Variants in BAP1 observed in about 807,000 individuals in gnomAD.
BAP1 encodes the protein BRCA1 associated deubiquitinase 1.
A neutral mutation model predicts 77.2 loss-of-function variants in BAP1; 16 were observed. The ratio of observed to expected loss-of-function variants is 0.21; its 90% confidence interval spans 0.14 to 0.31. The LOEUF (loss-of-function observed/expected upper bound fraction) is 0.31. Among genes scored for constraint, BAP1 ranks in the 10% least tolerant of loss-of-function variants. The pLI, the probability that BAP1 is intolerant of heterozygous loss-of-function variation, is 1.00. For synonymous variants in BAP1, 362 were observed against 385.2 expected (o/e 0.94, Z 0.71); for missense variants, 699 against 967.3 (o/e 0.72, Z 3.68).
At chr3:52,405,510 A>AC in intron 10 of BAP1, 1 of 619,404 alleles carries the variant, frequency 1.6e-6, no homozygotes, top group Admixed American at 3.5e-5. Flanking sequence ...AAAAAAAAAA[A>AC]AAAAAAAAAA....
Position 52,402,439 on chromosome 3 carries a change from C to T in BAP1, c.2057-18G>A, listed in dbSNP as rs776521900. The stretch of plus-strand genomic sequence containing the variant: ...CAGCATGCCTGCGAAGAGGTAGAGA[C>T]CCTTGAGCAGGTGCTGGCTGCCTCA... On this transcript the variant is annotated intron_variant, in intron 16 of 16. Coordinates refer to ENST00000460680, the MANE Select transcript of BAP1 (RefSeq NM_004656.4). This position sits in a 1 kb window ranked among gnomAD's most constrained non-coding sequence, Gnocchi z 5.3. 1.9e-6 allele frequency: 3 copies of T among 1,570,452 alleles called. No individual in the cohort carries two copies. Among genetic ancestry groups the T allele is most frequent in the East Asian group, 2.4e-5 (1 of 42,252 alleles).
At chr3:52,408,227 A>G in intron 4 of BAP1, 150 bp from the exon 5 acceptor site, 1 of 1,402,636 alleles carries the variant, frequency 7.1e-7, no homozygotes, top group South Asian at 1.3e-5. Context: ...ATGTTTATTC[A>G]TTTAACAAGC....
At position 52,403,700 on chromosome 3, in the gene BAP1, G is replaced by A. The variant is rs753329341; in HGVS notation, c.1445C>T (p.Ser482Leu). 4.3e-6 allele frequency: 7 copies of A among 1,614,024 alleles called. No homozygotes were observed. The highest frequency in any genetic ancestry group is 5.9e-6 in the Non-Finnish European group (7 of 1,179,986). The change falls in exon 13 of 17, where the codon TCG (serine) becomes TTG (leucine). Residue 482 changes from serine to leucine, a missense_variant. Physicochemically the swap from Ser to Leu is moderately radical, Grantham distance 145. This residue lies in a region of BAP1 where 475 missense variants were observed against 532.4 expected (regional missense o/e 0.89). Coordinates refer to ENST00000460680, the MANE Select transcript of BAP1 (RefSeq NM_004656.4). This position sits in a 1 kb window ranked among gnomAD's most constrained non-coding sequence, Gnocchi z 4.0. ...GSPAVAVPTHSQPSPTPSNES... is the reference protein window; with the variant it reads ...GSPAVAVPTHLQPSPTPSNES... Reference sequence around the variant, plus strand: ...ATTGCTGGGGGTGGGTGAGGGCTGCGAGTGTGTGGGCACTGCCACAGCCGG... The same window carrying A: ...ATTGCTGGGGGTGGGTGAGGGCTGCAAGTGTGTGGGCACTGCCACAGCCGG...
chr3:52,406,239 G>A lies in BAP1; in HGVS notation c.783+14C>T. ...GGTTGGGCTGGGCAGAGGCCAGGAA[G>A]AAAGGGCACCTACCTGCTGCAGAGC... On this transcript the variant is annotated intron_variant, in intron 9 of 16. Transcript: ENST00000460680. This position sits in a 1 kb window ranked among gnomAD's most constrained non-coding sequence, Gnocchi z 4.6. 1.9e-6 allele frequency: 3 copies of A among 1,614,112 alleles called. No individual in the cohort carries two copies. Among genetic ancestry groups the A allele is most frequent in the Non-Finnish European group, 2.5e-6 (3 of 1,180,010 alleles).
intron 11 of BAP1, 57 bp downstream of exon 11, chr3:52,405,053 G>A (rs1178197895): frequency 9.3e-6 from 15 of 1,606,184 alleles, no homozygotes; most frequent in East Asian, 2.2e-5. Flanking sequence ...AAAATTGCCT[G>A]TTGCAGCCTC....
chr3:52,408,499 A>G lies in BAP1; in HGVS notation c.230T>C (p.Val77Ala). The G allele has an allele frequency of 6.2e-7, 1 of 1,612,256 alleles. No homozygotes were observed. The highest frequency in any genetic ancestry group is 8.5e-7 in the Non-Finnish European group (1 of 1,179,304). ...DDTSVIDDDI[V>A]NNMFFAHQLI... is the part of the protein sequence containing the mutation. ...CTGGTGGGCAAAGAACATGTTATTC[A>G]CAATATCATCATCAATCACGGACGT... Residue 77 changes from valine (V) to alanine (A), a missense_variant, in exon 4 of 17, where the codon GTG becomes GCG. Transcript: ENST00000460680.
rs573724882 is a variant in BAP1 at position 52,405,757 on chromosome 3, C to T, written c.931+8G>A. On this transcript the variant is annotated splice_region_variant and intron_variant, in intron 10 of 16. Coordinates refer to ENST00000460680, the MANE Select transcript of BAP1 (RefSeq NM_004656.4). ...GAGGTCCACAAGAGGTCCCAAACCC[C>T]CCAGTACCTGTGTGGTTGCCCTCAG... is the stretch of plus-strand genomic sequence containing the variant. The T allele has an allele frequency of 1.2e-5, 19 of 1,612,792 alleles. No homozygotes were observed. In the African/African-American group the frequency reaches 1.6e-4, roughly 14 times the overall value.
chr3:52,402,501 C>A lies in BAP1; in HGVS notation c.2057-80G>T, dbSNP rs1431866889. 2 of 1,604,566 alleles carry A rather than the reference C, an allele frequency of 1.2e-6. No homozygotes were observed. The highest frequency in any genetic ancestry group is 1.3e-5 in the African/African-American group (1 of 74,636). On this transcript the variant is annotated intron_variant, in intron 16 of 16. Transcript: ENST00000460680. The surrounding 1 kb of genome is among the most constrained non-coding windows in gnomAD (Gnocchi z 5.3). ...GAGGCTCTCATGGCCCTCCCTGTGC[C>A]CCAAGGTCTGCTCAAGCCTCAGGAG... is the stretch of plus-strand genomic sequence containing the variant.
At position 52,407,274 on chromosome 3, in the gene BAP1, A is replaced by T; in HGVS notation, c.480T>A (p.Ser160Arg). The T allele has an allele frequency of 6.2e-7, 1 of 1,614,184 alleles. No homozygotes were observed. The highest frequency in any genetic ancestry group is 8.5e-7 in the Non-Finnish European group (1 of 1,180,030). The change falls in exon 7 of 17, where the codon AGT becomes AGA. Residue 160 changes from serine (S) to arginine (R), a missense_variant. By Grantham distance (110) the Ser-to-Arg change is moderately radical. Coordinates refer to ENST00000460680, the MANE Select transcript of BAP1 (RefSeq NM_004656.4). ...RHLPEKQNGLSAVRTMEAFHF... is the reference protein window; with the variant it reads ...RHLPEKQNGLRAVRTMEAFHF... ...GGAACGCCTCCATGGTCCGCACTGC[A>T]CTAAGGCCATTCTGCTTCTCAGGGA...
At position 52,403,424 on chromosome 3, in the gene BAP1, G is replaced by T. The variant is rs761596789; in HGVS notation, c.1721C>A (p.Ala574Glu). Residue 574 changes from alanine to glutamate, a missense_variant, in exon 13 of 17, where the codon GCG (alanine) becomes GAG (glutamate). By Grantham distance (107) the Ala-to-Glu change is moderately radical (BLOSUM62 -1). Around this residue, in one of 3 missense-constraint regions of BAP1, gnomAD observed 475 missense variants for 532.4 expected, o/e 0.89. Coordinates refer to ENST00000460680, the MANE Select transcript of BAP1 (RefSeq NM_004656.4). This position sits in a 1 kb window ranked among gnomAD's most constrained non-coding sequence, Gnocchi z 4.0. ...LAEDGVLSPL[A>E]LTEGGKGSSP... is the part of the protein sequence containing the mutation. ...GCCAGTCCAAGGCCCACCTGTCAGC[G>T]CCAGGGGACTCAGCACCCCATCCTC... 6.2e-7 allele frequency: 1 copy of T among 1,613,670 alleles called. No individual in the cohort carries two copies. Among genetic ancestry groups the T allele is most frequent in the Non-Finnish European group, 8.5e-7 (1 of 1,179,940 alleles).
rs2153228352 is a variant in BAP1, at chr3:52,408,606, G to A, written c.123C>T (p.Gly41=). The stretch of plus-strand genomic sequence containing the variant: ...ACAGGAAGATAAATCCATATACAGG[G>A]CTGGGGGAAGTAAGGGGCAGAGCCA... The part of the protein sequence containing the change: ...EIYDLQSKCQ[G]PVYGFIFLFK... Residue 41 remains glycine (G), a splice_region_variant and synonymous_variant, in exon 4 of 17, where the codon GGC becomes GGT. Transcript: ENST00000460680. 2 of 1,608,750 alleles carry A rather than the reference G, an allele frequency of 1.2e-6. No homozygotes were observed. Among genetic ancestry groups the A allele is most frequent in the South Asian group, 1.1e-5 (1 of 89,772 alleles).
rs1333074365 is a variant in BAP1 at position 52,407,322 on chromosome 3, G to GA, written c.438-7dup. On this transcript the variant is annotated splice_region_variant and splice_polypyrimidine_tract_variant and intron_variant, in intron 6 of 16. Coordinates refer to ENST00000460680, the MANE Select transcript of BAP1 (RefSeq NM_004656.4). ...GGAGGTGGCGTGGCTCGGGCCTGGG[G>GA]AAAAACAGAGTCAGGGCCCAAAAAA... The GA allele has an allele frequency of 6.2e-7, 1 of 1,614,134 alleles. No homozygotes were observed. Among genetic ancestry groups the GA allele is most frequent in the Non-Finnish European group, 8.5e-7 (1 of 1,180,020 alleles).
Position 52,402,121 on chromosome 3 carries a change from C to G in BAP1, c.*167G>C. ...ATGGGGCTGATCTGCCGTGTCAGGCCTCAGGGCACGATGGAAGGAATGTGG... is the reference window on the plus strand; with the variant it reads ...ATGGGGCTGATCTGCCGTGTCAGGCGTCAGGGCACGATGGAAGGAATGTGG... On this transcript the variant is annotated 3_prime_UTR_variant, in exon 17 of 17. Coordinates refer to ENST00000460680, the MANE Select transcript of BAP1 (RefSeq NM_004656.4). This position sits in a 1 kb window ranked among gnomAD's most constrained non-coding sequence, Gnocchi z 5.3. 1 of 1,235,714 alleles carries G rather than the reference C, an allele frequency of 8.1e-7. No individual in the cohort carries two copies. The highest frequency in any genetic ancestry group is 1.1e-6 in the Non-Finnish European group (1 of 897,524). The allele number at this position is 1,235,714 out of a possible 1,614,324, so 76.5% of individuals were successfully genotyped here. A position where few individuals can be genotyped will look rare whatever the true frequency, so the allele number is the denominator to read the frequency against.
In BAP1 at chr3:52,408,551, G is replaced by T. The variant is rs1253151209; in HGVS notation, c.178C>A (p.Arg60=). The T allele has an allele frequency of 1.2e-6, 2 of 1,610,912 alleles. No homozygotes were observed. Among genetic ancestry groups the T allele is most frequent in the Non-Finnish European group, 1.7e-6 (2 of 1,178,730 alleles). Reference sequence around the variant, plus strand: ...TCATCCACCAAGGTAGAGACCTTTCGCCGGGACCGGCGCTCTTCGATCCAT... The same window carrying T: ...TCATCCACCAAGGTAGAGACCTTTCTCCGGGACCGGCGCTCTTCGATCCAT... ...FKWIEERRSR[R]KVSTLVDDTS... is the part of the protein sequence containing the mutation. The change falls in exon 4 of 17, where the codon CGA becomes AGA. Residue 60 remains arginine (R), a synonymous_variant. Coordinates refer to ENST00000460680, the MANE Select transcript of BAP1 (RefSeq NM_004656.4).
Position 52,406,775 on chromosome 3 carries a change from C to T in BAP1, c.659+54G>A, listed in dbSNP as rs1251651392. The T allele has an allele frequency of 2.0e-6, 3 of 1,526,206 alleles. No homozygotes were observed. Among genetic ancestry groups the T allele is most frequent in the Non-Finnish European group, 2.7e-6 (3 of 1,123,840 alleles). The allele number at this position is 1,526,206 out of a possible 1,614,324, so 94.5% of individuals were successfully genotyped here. A position where few individuals can be genotyped will look rare whatever the true frequency, so the allele number is the denominator to read the frequency against. On this transcript the variant is annotated intron_variant, in intron 8 of 16. Transcript: ENST00000460680. The surrounding 1 kb of genome is among the most constrained non-coding windows in gnomAD (Gnocchi z 4.6). ...AATCACCTGGATACTCTCTGTCCCT[C>T]CCAAAGTAGGTACAGCTCCAGAGAG...
At chr3:52,409,108 CT>C (rs1383679156) in intron 3 of BAP1, among the ~76,000 whole-genome samples, 2 of 152,232 alleles carry the variant, frequency 1.3e-5, no homozygotes, top group Admixed American at 1.3e-4. Flanking sequence ...TCTTACACAT[CT>C]ATTCTGCAGG....
chr3:52,407,038 G>A (rs1313171656), intron 7 of BAP1, 131 bp from the exon 8 acceptor site: 2 of 1,513,550 alleles, frequency 1.3e-6, no homozygotes, highest in Non-Finnish European at 1.8e-6. Flanking sequence ...ATGGTGTAGG[G>A]TGAAACCCCA....
At position 52,401,841 on chromosome 3, in the gene BAP1, T is replaced by A. The variant is rs1042169677; in HGVS notation, c.*447A>T. 1 of 289,050 alleles carries A rather than the reference T, an allele frequency of 3.5e-6. No homozygotes were observed. The highest frequency in any genetic ancestry group is 6.6e-6 in the Non-Finnish European group (1 of 150,644). 17.9% of individuals were successfully genotyped at this position (289,050 alleles called of 1,614,324 possible). ...CAGGCCCCCAGCTAGGACCCTGTAGTTGGGACCGTGGCATGATACAAGGAC... is the reference window on the plus strand; with the variant it reads ...CAGGCCCCCAGCTAGGACCCTGTAGATGGGACCGTGGCATGATACAAGGAC... On this transcript the variant is annotated 3_prime_UTR_variant, in exon 17 of 17. Coordinates refer to ENST00000460680, the MANE Select transcript of BAP1 (RefSeq NM_004656.4).
intron 4 of BAP1, among the ~76,000 whole-genome samples, 196 bp downstream of exon 4, chr3:52,408,278 T>C (rs1248181788): frequency 6.6e-6 from 1 of 152,058 alleles, no homozygotes; most frequent in Non-Finnish European, 1.5e-5. Flanking sequence ...ACACAGAGAG[T>C]GGACTCAGAC....
Sources: allele counts gnomAD v4.1 joint callset (sites outside exome capture counted in the v4.1 genomes callset), GRCh38; gene constraint gnomAD v4.1.1; regional missense constraint gnomAD v4.1.1; non-coding constraint Gnocchi (gnomAD v3.1); transcripts MANE v1.5; gene names NCBI Gene and HGNC (gene_info 2026-07-23, HGNC 2026-07-21).